The following ORC3 variants were observed in gnomAD, a reference collection of about 807,000 sequenced individuals.
The protein encoded by ORC3 is homolog of latheo, Drosophila.
ORC3 carries 78 observed loss-of-function variants against 100.7 expected under a neutral mutation model. The observed-to-expected ratio is 0.77, with a 90% CI of 0.65 to 0.94. The LOEUF is 0.94. Ranked by LOEUF, ORC3 falls within the 40% of genes least tolerant of loss-of-function variation. The pLI is 0.00. For synonymous variants in ORC3, 295 were observed against 289.3 expected (o/e 1.02, Z -0.20); for missense variants, 789 against 823.9 (o/e 0.96, Z 0.52).
At chr6:87,656,703 TTTGAAGA>T (rs1255515376) in intron 14 of ORC3, among the ~76,000 whole-genome samples, 196 bp from the exon 15 acceptor site, 1 of 152,242 alleles carries the variant, frequency 6.6e-6, no homozygotes. Context: ...TAGCTGATTT[TTTGAAGA>T]CATCACTACA....
intron 9 of ORC3, among the ~76,000 whole-genome samples, chr6:87,616,905 A>G (rs1030688227): frequency 6.6e-6 from 1 of 151,988 alleles, no homozygotes; most frequent in African/African-American, 2.4e-5. Flanking sequence ...GGTTCAAGCA[A>G]TTCTGCCTCA....
At chr6:87,637,932 A>G (rs1488890409) in intron 13 of ORC3, among the ~76,000 whole-genome samples, 1 of 152,226 alleles carries the variant, frequency 6.6e-6, no homozygotes, top group African/African-American at 2.4e-5. Flanking sequence ...AGATATTATT[A>G]GGCACACTTT....
intron 11 of ORC3, among the ~76,000 whole-genome samples, chr6:87,629,061 T>A (rs548623145): frequency 6.6e-6 from 1 of 152,300 alleles, no homozygotes; most frequent in South Asian, 2.1e-4. Context: ...ACTAGCACTC[T>A]TGCCACATAA....
intron 3 of ORC3, among the ~76,000 whole-genome samples, chr6:87,602,206 T>G (rs1393933508): frequency 6.6e-6 from 1 of 152,156 alleles, no homozygotes; most frequent in Non-Finnish European, 1.5e-5. Context: ...CACTCCAGCC[T>G]GGGCAGCAGA....
At chr6:87,616,867 C>T (rs999947539) in intron 9 of ORC3, among the ~76,000 whole-genome samples, 10 of 151,726 alleles carry the variant, frequency 6.6e-5, no homozygotes, top group African/African-American at 9.7e-5. Flanking sequence ...GTGGCATGAT[C>T]TCAGCTCACT....
At position 87,665,829 on chromosome 6, in the gene ORC3, A is replaced by G; in HGVS notation, c.2026A>G (p.Ile676Val). 1 of 1,592,174 alleles carries G rather than the reference A, an allele frequency of 6.3e-7. No individual in the cohort carries two copies. The highest frequency in any genetic ancestry group is 8.6e-7 in the Non-Finnish European group (1 of 1,160,594). Residue 676 changes from isoleucine (I) to valine (V), a missense_variant, in exon 19 of 20, where the codon ATC becomes GTC. Ile to Val is a conservative substitution (Grantham distance 29). Transcript: ENST00000392844. ...AACCTCAGAAGAAATGAATGAAATT[A>G]TCCAGTATCCTTTTAAAACCATTTC... ...SATSEEMNEI[I>V]HARFIRAVSE... is the part of the protein sequence containing the mutation.
intron 2 of ORC3, among the ~76,000 whole-genome samples, chr6:87,601,534 G>T (rs1777895508): frequency 6.6e-6 from 1 of 152,054 alleles, no homozygotes. Context: ...AGCGGGCGTG[G>T]TGGCACGTGC....
At chr6:87,677,709 C>T in the ORC3 span, 1 of 1,312,930 alleles carries the variant, frequency 7.6e-7, no homozygotes, top group Admixed American at 2.3e-5. Context: ...TTTTCTCATT[C>T]TCAGAGAATA....
In ORC3 at chr6:87,616,390, A is replaced by G. The variant is rs767701428; in HGVS notation, c.950A>G (p.His317Arg). Residue 317 changes from histidine to arginine, a missense_variant, in exon 9 of 20, where the codon CAT (histidine) becomes CGT (arginine). This residue lies in a region of ORC3 where 399 missense variants were observed against 382.0 expected (regional missense o/e 1.04). Coordinates refer to ENST00000392844, the MANE Select transcript of ORC3 (RefSeq NM_012381.4). ...LQVLTNIFLY[H>R]DFSVQNFIKG... ...GTTCTGACCAACATCTTTTTGTATCATGATTTCTCAGTTCAAAACTTTATA... is the reference window on the plus strand; with the variant it reads ...GTTCTGACCAACATCTTTTTGTATCGTGATTTCTCAGTTCAAAACTTTATA... 2.1e-5 allele frequency: 32 copies of G among 1,532,646 alleles called. No individual in the cohort carries two copies. Among genetic ancestry groups the G allele is most frequent in the Non-Finnish European group, 2.8e-5 (31 of 1,106,358 alleles). 94.9% of individuals were successfully genotyped at this position (1,532,646 alleles called of 1,614,324 possible).
In ORC3 at chr6:87,616,414, TA is replaced by T; in HGVS notation, c.978del (p.Gly327AspfsTer7). 7.2e-7 allele frequency: 1 copy of T among 1,386,828 alleles called. No homozygotes were observed. Among genetic ancestry groups the T allele is most frequent in the Non-Finnish European group, 1.0e-6 (1 of 974,240 alleles). The allele number at this position is 1,386,828 out of a possible 1,614,324, so 85.9% of individuals were successfully genotyped here. A position where few individuals can be genotyped will look rare whatever the true frequency, so the allele number is the denominator to read the frequency against. ...CATGATTTCTCAGTTCAAAACTTTA[TA>T]AAAGGACTTCAGGTAAGAACACAGT... ...LYHDFSVQNF[I>X]KGLQLSLLEH... On this transcript the variant is annotated frameshift_variant, in exon 9 of 20. Transcript: ENST00000392844. LOFTEE classifies it high-confidence loss of function.
downstream of ORC3, among the ~76,000 whole-genome samples, chr6:87,671,709 A>G (rs1770836816): frequency 6.6e-6 from 1 of 152,192 alleles, no homozygotes; most frequent in African/African-American, 2.4e-5. Context: ...AGCCAACTGA[A>G]GAGTGCTTCA....
chr6:87,631,329 GA>G (rs928009409), intron 11 of ORC3, among the ~76,000 whole-genome samples: 1 of 152,112 alleles, frequency 6.6e-6, no homozygotes, highest in African/African-American at 2.4e-5. Context: ...TATCTCCGTA[GA>G]AAAGAATCAT....
At chr6:87,636,030 C>T (rs993698768) in intron 12 of ORC3, among the ~76,000 whole-genome samples, 5 of 151,316 alleles carry the variant, frequency 3.3e-5, no homozygotes, top group South Asian at 2.1e-4. Flanking sequence ...CTGCAAGCTC[C>T]GCCTCCCAGG....
At chr6:87,634,989 C>A in intron 12 of ORC3, 28 bp downstream of exon 12, 1 of 1,084,686 alleles carries the variant, frequency 9.2e-7, no homozygotes, top group Non-Finnish European at 1.4e-6. Flanking sequence ...ATTTGTAATC[C>A]ATGAAGTAGG....
intron 3 of ORC3, among the ~76,000 whole-genome samples, chr6:87,602,352 G>A (rs1214633124): frequency 6.6e-6 from 1 of 152,128 alleles, no homozygotes; most frequent in Non-Finnish European, 1.5e-5. Context: ...GTATACAACT[G>A]TGAAATCAAG....
the ORC3 span, chr6:87,676,031 C>G: frequency 1.0e-6 from 1 of 964,966 alleles, no homozygotes; most frequent in South Asian, 1.5e-5. Flanking sequence ...TCTAAGTTGA[C>G]AAAATCACTT....
chr6:87,618,565 TAGG>T (rs958392699), intron 9 of ORC3, among the ~76,000 whole-genome samples: 3 of 151,856 alleles, frequency 2.0e-5, no homozygotes, highest in African/African-American at 7.3e-5. Context: ...GCCTAAGAAA[TAGG>T]AGCGAGCCAG....
At chr6:87,622,076 G>GCAAAA in intron 11 of ORC3, 63 bp downstream of exon 11, 1 of 1,062,784 alleles carries the variant, frequency 9.4e-7, no homozygotes, top group African/African-American at 1.6e-5. Flanking sequence ...GAATATGCAT[G>GCAAAA]TAACATTTAT....
At chr6:87,675,446 T>G in the ORC3 span, 12 of 1,070,708 alleles carry the variant, frequency 1.1e-5, no homozygotes, top group South Asian at 1.7e-4. Flanking sequence ...CCAAAACCAG[T>G]TGCTGCTGCC....
Sources: allele counts gnomAD v4.1 joint callset (sites outside exome capture counted in the v4.1 genomes callset), GRCh38; gene constraint gnomAD v4.1.1; regional missense constraint gnomAD v4.1.1; transcripts MANE v1.5; gene names NCBI Gene and HGNC (gene_info 2026-07-23, HGNC 2026-07-21).